PARD3: variants seen among roughly 807,000 people sequenced by gnomAD.
PARD3 encodes par-3 family cell polarity regulator.
PARD3 carries 75 observed loss-of-function variants against 155.4 expected under a neutral mutation model. That is an observed-to-expected ratio of 0.48 (90% CI 0.40 to 0.58). The LOEUF is 0.58. Ranked by LOEUF, PARD3 falls within the 20% of genes least tolerant of loss-of-function variation. PARD3 has a pLI of 0.00. For missense variants in PARD3, 1,642 were observed against 1,721.7 expected (o/e 0.95, Z 0.82); for synonymous variants, 576 against 610.5 (o/e 0.94, Z 0.83).
chr10:34,380,389 G>T (rs1285324517), intron 9 of PARD3, among the ~76,000 whole-genome samples: 1 of 152,022 alleles, frequency 6.6e-6, no homozygotes, highest in Non-Finnish European at 1.5e-5. Flanking sequence ...ATTAAGCATA[G>T]TCTTTCTAAA....
At chr10:34,523,408 T>C (rs1564807571) in intron 2 of PARD3, among the ~76,000 whole-genome samples, 1 of 152,136 alleles carries the variant, frequency 6.6e-6, no homozygotes, top group Non-Finnish European at 1.5e-5. Context: ...ATGCAATTGT[T>C]TTCCTATGAA....
intron 4 of PARD3, among the ~76,000 whole-genome samples, chr10:34,456,482 G>A (rs1212234825): frequency 1.3e-5 from 2 of 151,930 alleles, no homozygotes; most frequent in Admixed American, 1.3e-4. Flanking sequence ...ATTTTTAGTA[G>A]AGACAGGGTT....
chr10:34,676,177 C>G (rs2093702276), intron 2 of PARD3: 1 of 152,252 alleles, frequency 6.6e-6, no homozygotes, highest in Non-Finnish European at 1.5e-5. Flanking sequence ...TACTCTTATT[C>G]CAACTACATC....
intron 5 of PARD3, among the ~76,000 whole-genome samples, chr10:34,428,605 GC>G (rs1370778590): frequency 6.6e-6 from 1 of 152,156 alleles, no homozygotes; most frequent in East Asian, 1.9e-4. Flanking sequence ...AAATGATGTA[GC>G]CCCCTTCACT....
At chr10:34,130,162 A>G (rs1471274701) in intron 23 of PARD3, among the ~76,000 whole-genome samples, 2 of 152,086 alleles carry the variant, frequency 1.3e-5, no homozygotes, top group Non-Finnish European at 2.9e-5. Flanking sequence ...CTCTACTTCC[A>G]AGATCCTAGA....
chr10:34,615,702 C>T (rs2091204690), intron 2 of PARD3, among the ~76,000 whole-genome samples: 1 of 152,090 alleles, frequency 6.6e-6, no homozygotes, highest in Non-Finnish European at 1.5e-5. Context: ...ACTATTCATC[C>T]ACCAAGGGAG....
chr10:34,702,400 T>C (rs1310808583), intron 1 of PARD3, among the ~76,000 whole-genome samples: 1 of 151,840 alleles, frequency 6.6e-6, no homozygotes, highest in Admixed American at 6.6e-5. Flanking sequence ...ATGTAAAAGA[T>C]GGGAGGAAAA....
chr10:34,126,900 T>A (rs900447361), intron 23 of PARD3, among the ~76,000 whole-genome samples: 31 of 151,878 alleles, frequency 2.0e-4, no homozygotes, highest in African/African-American at 7.5e-4. Context: ...CAGCCTGTCA[T>A]CCAAATAATT....
At chr10:34,197,516 T>C (rs35922452) in intron 22 of PARD3, among the ~76,000 whole-genome samples, 1,538 of 152,336 alleles carry the variant, frequency 0.01, 13 homozygotes, top group Non-Finnish European at 0.018. Flanking sequence ...TTCAACAATG[T>C]AGACATCATT....
At chr10:34,591,145 C>T (rs1216796035) in intron 2 of PARD3, among the ~76,000 whole-genome samples, 1 of 152,018 alleles carries the variant, frequency 6.6e-6, no homozygotes, top group Non-Finnish European at 1.5e-5. Flanking sequence ...CCCCCCATCA[C>T]CCCCTCCCCA....
At chr10:34,308,128 T>C (rs933931297) in intron 20 of PARD3, among the ~76,000 whole-genome samples, 1 of 152,086 alleles carries the variant, frequency 6.6e-6, no homozygotes, top group South Asian at 2.1e-4. Context: ...AGAGTAAAGT[T>C]ACTGAAGGAA....
intron 5 of PARD3, among the ~76,000 whole-genome samples, 161 bp from the exon 6 acceptor site, chr10:34,402,078 A>T (rs1442037199): frequency 2.0e-5 from 3 of 152,142 alleles, no homozygotes; most frequent in African/African-American, 4.8e-5. Flanking sequence ...TGTGTGTTGT[A>T]AAAAGCTAAA....
At chr10:34,311,457 C>A (rs1957692659) in intron 20 of PARD3, among the ~76,000 whole-genome samples, 1 of 152,066 alleles carries the variant, frequency 6.6e-6, no homozygotes, top group South Asian at 2.1e-4. Context: ...TCCTGGGAAG[C>A]CATGAATAAT....
intron 19 of PARD3, among the ~76,000 whole-genome samples, chr10:34,320,636 C>T (rs181452509): frequency 7.9e-5 from 12 of 152,232 alleles, no homozygotes; most frequent in Non-Finnish European, 1.5e-5. Context: ...TTTTCATATT[C>T]AAAATAATTT....
chr10:34,313,555 C>A (rs1957818462), intron 20 of PARD3, among the ~76,000 whole-genome samples: 1 of 152,162 alleles, frequency 6.6e-6, no homozygotes, highest in Non-Finnish European at 1.5e-5. Flanking sequence ...ATAATTAAAT[C>A]ATCTTTGTGA....
At position 34,331,265 on chromosome 10, in the gene PARD3, G is replaced by A. The variant is rs116709084; in HGVS notation, c.2685C>T (p.Ala895=). 2.4e-4 allele frequency: 380 copies of A among 1,613,876 alleles called. No homozygotes were observed. The African/African-American group carries it at 4.3e-3, about 18-fold the overall frequency. ...GAATATCCCCATTCAAAGTCACCTC[G>A]GCAACTGCGGTCTGCAGACTCTCCA... The part of the protein sequence containing the change: ...SSLESLQTAV[A]EVTLNGDIPF... The change falls in exon 19 of 25, where the codon GCC becomes GCT. Residue 895 remains alanine, a synonymous_variant. Transcript: ENST00000374788.
At chr10:34,355,892 T>A (rs1838751468) in intron 14 of PARD3, among the ~76,000 whole-genome samples, 1 of 117,890 alleles carries the variant, frequency 8.5e-6, no homozygotes, top group South Asian at 3.0e-4. Flanking sequence ...GCCACTGCAC[T>A]CCAGCCTAGG....
At chr10:34,290,875 C>T (rs1956644929) in intron 20 of PARD3, among the ~76,000 whole-genome samples, 1 of 152,202 alleles carries the variant, frequency 6.6e-6, no homozygotes, top group Admixed American at 6.5e-5. Context: ...AAAGCACATA[C>T]CCTGTCCTGT....
intron 21 of PARD3, among the ~76,000 whole-genome samples, chr10:34,279,305 G>A (rs1007348675): frequency 3.3e-5 from 5 of 151,714 alleles, no homozygotes; most frequent in African/African-American, 1.2e-4. Context: ...ACAGGTGTGA[G>A]CCAACACACC....
Sources: allele counts gnomAD v4.1 joint callset (sites outside exome capture counted in the v4.1 genomes callset), GRCh38; gene constraint gnomAD v4.1.1; transcripts MANE v1.5; gene names NCBI Gene and HGNC (gene_info 2026-07-23, HGNC 2026-07-21).